SLC14A2: variants seen among roughly 807,000 people sequenced by gnomAD.
SLC14A2 encodes the protein urea transporter 2.
SLC14A2 carries 91 observed loss-of-function variants against 104.6 expected under a neutral mutation model. The observed-to-expected ratio is 0.87, with a 90% CI of 0.73 to 1.04. The LOEUF is 1.04. SLC14A2 is among the 50% of genes least tolerant of loss of function. The probability of loss-of-function intolerance (pLI) is 0.00; values close to 1 mark genes in which losing one functional copy is unlikely to be tolerated. For synonymous variants in SLC14A2, 476 were observed against 466.4 expected (o/e 1.02, Z -0.27); for missense variants, 1,189 against 1,156.0 (o/e 1.03, Z -0.41).
At chr18:45,412,122 C>T (rs2086222106) in intron 1 of SLC14A2, among the ~76,000 whole-genome samples, 1 of 152,304 alleles carries the variant, frequency 6.6e-6, no homozygotes, top group African/African-American at 2.4e-5. Flanking sequence ...GCATCTCCCA[C>T]TGCCTCAAGA....
At chr18:45,637,238 C>T (rs938687899) in intron 6 of SLC14A2, 56 bp downstream of exon 6, 20 of 1,427,818 alleles carry the variant, frequency 1.4e-5, no homozygotes, top group Middle Eastern at 1.8e-4. Context: ...CAGACCTTCT[C>T]GCCAACCAAT....
chr18:45,185,275 T>A, the SLC14A2 span, among the ~76,000 whole-genome samples: 1 of 152,228 alleles, frequency 6.6e-6, no homozygotes, highest in Non-Finnish European at 1.5e-5. Context: ...TTTCTTGAAC[T>A]TGGAGGTTGT....
intron 1 of SLC14A2, among the ~76,000 whole-genome samples, chr18:45,281,050 A>G (rs572947662): frequency 1.3e-5 from 2 of 152,214 alleles, no homozygotes; most frequent in East Asian, 1.9e-4. Context: ...TCCCTTGAAC[A>G]TCAGTCTAAA....
intron 1 of SLC14A2, among the ~76,000 whole-genome samples, chr18:45,415,589 T>C (rs563588828): frequency 1.3e-5 from 2 of 152,288 alleles, no homozygotes; most frequent in Non-Finnish European, 2.9e-5. Flanking sequence ...TGGGCTCAAC[T>C]GTTCCCCAAT....
chr18:45,553,509 T>G (rs2044084524), intron 2 of SLC14A2, among the ~76,000 whole-genome samples: 1 of 151,798 alleles, frequency 6.6e-6, no homozygotes, highest in Non-Finnish European at 1.5e-5. Context: ...ATTTGAAGAG[T>G]CAAGAACAGC....
At chr18:45,199,387 C>T in the SLC14A2 span, among the ~76,000 whole-genome samples, 1 of 152,068 alleles carries the variant, frequency 6.6e-6, no homozygotes, top group Non-Finnish European at 1.5e-5. Flanking sequence ...GCTTCTCAGC[C>T]TCCAAGTCTG....
At position 45,427,266 on chromosome 18, in the gene SLC14A2, G is replaced by GAA. The variant is rs34941376; in HGVS notation, c.-124-55958_-124-55957dup. Among the ~76,000 whole-genome samples the GAA allele has an allele frequency of 1.3e-4, 20 of 148,824 alleles. No homozygotes were observed. The East Asian group carries it at 1.6e-3, about 12-fold the overall frequency. ...TATTAGTAGGGTTAGAAAAGAAAGG[G>GAA]AAAAAAAAAAGGACTCTCCTGGAAA... On this transcript the variant is annotated intron_variant, in intron 1 of 20. Transcript: ENST00000586448.
intron 1 of SLC14A2, among the ~76,000 whole-genome samples, chr18:45,250,755 C>CTTTTTTT (rs67864793): frequency 3.4e-4 from 32 of 93,884 alleles, no homozygotes; most frequent in African/African-American, 1.0e-3. Context: ...TGGCTTCTTC[C>CTTTTTTT]TTTTTTTTTT....
chr18:45,501,800 G>A (rs990734664), intron 2 of SLC14A2, among the ~76,000 whole-genome samples: 1 of 152,194 alleles, frequency 6.6e-6, no homozygotes. Flanking sequence ...TCTTCCCATG[G>A]TGGGGCAAGT....
At chr18:45,494,287 A>T (rs2043052862) in intron 2 of SLC14A2, among the ~76,000 whole-genome samples, 1 of 152,254 alleles carries the variant, frequency 6.6e-6, no homozygotes, top group Non-Finnish European at 1.5e-5. Flanking sequence ...TCCTCAACTC[A>T]GGCTATCCTT....
intron 2 of SLC14A2, among the ~76,000 whole-genome samples, chr18:45,533,070 C>T (rs1470907020): frequency 5.9e-5 from 9 of 152,150 alleles, no homozygotes; most frequent in Admixed American, 3.9e-4. Flanking sequence ...GGTGGATAAG[C>T]TTTTTGATGT....
At position 45,309,915 on chromosome 18, in the gene SLC14A2, A is replaced by T. The variant is rs1014651763; in HGVS notation, c.-125+96724A>T. Among the ~76,000 whole-genome samples the T allele has an allele frequency of 1.8e-4, 27 of 152,094 alleles. 1 individual carries two copies. The highest frequency in any genetic ancestry group is 1.5e-5 in the Non-Finnish European group (1 of 68,016). On this transcript the variant is annotated intron_variant, in intron 1 of 20. Transcript: ENST00000586448. ...CATCATTCTCCATTTATATATATAT[A>T]TATAGCCCTACGCAACAATATCGGT...
chr18:45,404,920 G>T (rs189361608), intron 1 of SLC14A2, among the ~76,000 whole-genome samples: 1 of 152,306 alleles, frequency 6.6e-6, no homozygotes, highest in East Asian at 1.9e-4. Flanking sequence ...GTTTGAGGGT[G>T]AAGAGGGCTC....
chr18:45,604,289 G>T (rs2044833303), intron 2 of SLC14A2, among the ~76,000 whole-genome samples: 2 of 152,136 alleles, frequency 1.3e-5, no homozygotes, highest in Non-Finnish European at 2.9e-5. Flanking sequence ...CTAATGTCAG[G>T]AAGCCATTCA....
At chr18:45,382,334 C>G (rs2085847688) in intron 1 of SLC14A2, among the ~76,000 whole-genome samples, 1 of 152,118 alleles carries the variant, frequency 6.6e-6, no homozygotes, top group Non-Finnish European at 1.5e-5. Flanking sequence ...AGAGCTTAGA[C>G]TTTTACAGAA....
intron 2 of SLC14A2, chr18:45,489,883 C>G (rs2087688248): frequency 6.6e-6 from 1 of 152,194 alleles, no homozygotes; most frequent in East Asian, 1.9e-4. Flanking sequence ...CAAAGCATCT[C>G]TCATCTTTAT....
chr18:45,663,260 C>T lies in SLC14A2; in HGVS notation c.1352-525C>T, dbSNP rs76820513. ...TGGTCCAGGGACCACAGGGACCACA[C>T]GTTGAGTAGCAAGAGCTGATGTCAG... is the stretch of plus-strand genomic sequence containing the variant. On this transcript the variant is annotated intron_variant, in intron 10 of 19. Transcript: ENST00000255226. 7.0e-3 allele frequency among the ~76,000 whole-genome samples: 1,072 copies of T among 152,322 alleles called. 16 individuals are homozygous for T. Among genetic ancestry groups the T allele is most frequent in the African/African-American group, 0.024 (998 of 41,566 alleles).
rs552158123 is a variant in SLC14A2 at position 45,605,380 on chromosome 18, C to A, written c.-34-19251C>A. Among the ~76,000 whole-genome samples, 3 of 152,204 alleles carry A rather than the reference C, an allele frequency of 2.0e-5. No individual in the cohort carries two copies. The East Asian group carries it at 5.8e-4, about 29-fold the overall frequency. On this transcript the variant is annotated intron_variant, in intron 2 of 20. Transcript: ENST00000586448. Reference sequence around the variant, plus strand: ...GTTTTAGTTCACCTTAAAATATAACCCCCTCTGGAGAAGAGGGTGAAGATG... The same window carrying A: ...GTTTTAGTTCACCTTAAAATATAACACCCTCTGGAGAAGAGGGTGAAGATG...
chr18:45,550,470 T>C (rs1006640208), intron 2 of SLC14A2, among the ~76,000 whole-genome samples: 1 of 152,180 alleles, frequency 6.6e-6, no homozygotes, highest in Non-Finnish European at 1.5e-5. Context: ...GTCTGTCTCC[T>C]CCACTAGACT....
Sources: gnomAD v4.1 joint callset for allele counts (sites outside exome capture counted in the v4.1 genomes callset) on GRCh38, gnomAD v4.1.1 for gene constraint, MANE v1.5 for transcripts, NCBI Gene and HGNC (gene_info 2026-07-23, HGNC 2026-07-21) for gene names.